The following RHCG variants were observed in gnomAD, a reference collection of about 807,000 sequenced individuals.
RHCG encodes Rh family C glycoprotein, also known as ammonium transporter Rh type C.
RHCG carries 39 observed loss-of-function variants against 55.3 expected under a neutral mutation model. The observed-to-expected ratio is 0.70, with a 90% CI of 0.55 to 0.92. The LOEUF (loss-of-function observed/expected upper bound fraction) is 0.92. Ranked by LOEUF, RHCG falls within the 40% of genes least tolerant of loss-of-function variation. The pLI is 0.00. For synonymous variants in RHCG, 250 were observed against 246.8 expected, an observed-to-expected ratio of 1.01 and a Z score of -0.12; for missense variants, 635 against 627.9, an observed-to-expected ratio of 1.01 and a Z score of -0.12.
At chr15:89,492,328 C>T (rs2141903085) in intron 1 of RHCG, among the ~76,000 whole-genome samples, 1 of 152,328 alleles carries the variant, frequency 6.6e-6, no homozygotes, top group Middle Eastern at 3.4e-3. Flanking sequence ...CAAAGTGTCC[C>T]ACACTAATGG....
At chr15:89,475,516 G>C (rs1047322611) in intron 9 of RHCG, among the ~76,000 whole-genome samples, 7 of 152,236 alleles carry the variant, frequency 4.6e-5, no homozygotes, top group African/African-American at 1.7e-4. Flanking sequence ...AAAGTGCTGG[G>C]ATTATAGGCA....
chr15:89,477,830 C>T lies in RHCG; in HGVS notation c.975+7G>A, dbSNP rs765694134. 6.2e-7 allele frequency: 1 copy of T among 1,614,006 alleles called. No homozygotes were observed. Among genetic ancestry groups the T allele is most frequent in the East Asian group, 2.2e-5 (1 of 44,868 alleles). ...CTAGCCCCCAGCCCCTTGCCTGGGG[C>T]ACTTACGGTCAGGTATACAAAACCC... On this transcript the variant is annotated splice_region_variant and intron_variant, in intron 6 of 10. Transcript: ENST00000268122. The surrounding 1 kb of genome is among the most constrained non-coding windows in gnomAD (Gnocchi z 4.5).
In RHCG at chr15:89,496,439, C is replaced by T; in HGVS notation, c.106G>A (p.Ala36Thr). ...FGVFVRYDFE[A>T]DAHWWSERTH... ...CTCTCTGACCACCAGTGGGCGTCGG[C>T]CTCGAAGTCGTAGCGCACGAACACC... Residue 36 changes from alanine to threonine, a missense_variant, in exon 1 of 11, where the codon GCC (alanine) becomes ACC (threonine). Ala to Thr is a moderately conservative substitution (Grantham distance 58). Transcript: ENST00000268122. 1 of 1,614,064 alleles carries T rather than the reference C, an allele frequency of 6.2e-7. No homozygotes were observed. The highest frequency in any genetic ancestry group is 8.5e-7 in the Non-Finnish European group (1 of 1,179,974).
chr15:89,487,054 A>G (rs1961387831), intron 1 of RHCG, 69 bp from the exon 2 acceptor site: 2 of 1,406,940 alleles, frequency 1.4e-6, no homozygotes, highest in Non-Finnish European at 1.9e-6. Flanking sequence ...GGTCTGGGCC[A>G]GGAAGGCCGG....
Position 89,477,250 on chromosome 15 carries a change from C to G in RHCG, c.1113-44G>C. The G allele has an allele frequency of 6.2e-7, 1 of 1,606,598 alleles. No individual in the cohort carries two copies. The highest frequency in any genetic ancestry group is 8.5e-7 in the Non-Finnish European group (1 of 1,175,066). The stretch of plus-strand genomic sequence containing the variant: ...GCAGGTCAGGGCCCCATGGAGAGGC[C>G]AAGTAACAGCTTGCTGCCACCCCAA... On this transcript the variant is annotated intron_variant, in intron 7 of 10. Coordinates refer to ENST00000268122, the MANE Select transcript of RHCG (RefSeq NM_016321.3). The surrounding 1 kb of genome is among the most constrained non-coding windows in gnomAD (Gnocchi z 4.5).
intron 1 of RHCG, among the ~76,000 whole-genome samples, chr15:89,489,829 C>T (rs1293429753): frequency 2.0e-5 from 3 of 152,156 alleles, no homozygotes; most frequent in Non-Finnish European, 4.4e-5. Context: ...GTTTTCTTTC[C>T]TAGGTTCTCT....
At chr15:89,485,385 C>T (rs1208282984) in intron 2 of RHCG, among the ~76,000 whole-genome samples, 2 of 152,200 alleles carry the variant, frequency 1.3e-5, no homozygotes, top group East Asian at 3.8e-4. Context: ...GGTTCCAACA[C>T]ATATCCAGTC....
chr15:89,489,311 A>G (rs1446937451), intron 1 of RHCG, among the ~76,000 whole-genome samples: 1 of 151,356 alleles, frequency 6.6e-6, no homozygotes, highest in Non-Finnish European at 1.5e-5. Flanking sequence ...TTTAGTAGAG[A>G]CAGGATTTTG....
intron 9 of RHCG, among the ~76,000 whole-genome samples, chr15:89,473,776 G>A (rs181887095): frequency 2.6e-5 from 4 of 152,224 alleles, no homozygotes; most frequent in African/African-American, 7.2e-5. Context: ...GAGCATCCCC[G>A]CAAGAGATCC....
Position 89,477,024 on chromosome 15 carries a change from C to T in RHCG, c.1237+58G>A. ...CCTGTGCCGCATGCCCTTTGCTTCT[C>T]CACCCAGGGAGCCCCACAGCAGCAC... On this transcript the variant is annotated intron_variant, in intron 8 of 10. Coordinates refer to ENST00000268122, the MANE Select transcript of RHCG (RefSeq NM_016321.3). This position sits in a 1 kb window ranked among gnomAD's most constrained non-coding sequence, Gnocchi z 4.5. 1.2e-6 allele frequency: 2 copies of T among 1,610,162 alleles called. No individual in the cohort carries two copies. The highest frequency in any genetic ancestry group is 2.2e-5 in the East Asian group (1 of 44,828).
rs929672581 is a variant in RHCG, at chr15:89,496,575, G to A, written c.-31C>T. On this transcript the variant is annotated 5_prime_UTR_variant, in exon 1 of 11. Coordinates refer to ENST00000268122, the MANE Select transcript of RHCG (RefSeq NM_016321.3). ...AGGGGTGCCTGGCCGGGCTGGCAGC[G>A]GGCGGTTCGGACGCTCGGAGGCCGG... is the stretch of plus-strand genomic sequence containing the variant. The A allele has an allele frequency of 4.4e-6, 7 of 1,595,462 alleles. No individual in the cohort carries two copies. The South Asian group carries it at 5.5e-5, about 13-fold the overall frequency.
Position 89,479,502 on chromosome 15 carries a change from A to T in RHCG, c.671-14T>A. The stretch of plus-strand genomic sequence containing the variant: ...GGAAGAGGGTGCCTGGTCAGACCAG[A>T]CAGGCCCAATGGGCCCGGGAGGAGA... On this transcript the variant is annotated splice_polypyrimidine_tract_variant and intron_variant, in intron 4 of 10. Coordinates refer to ENST00000268122, the MANE Select transcript of RHCG (RefSeq NM_016321.3). 1 of 1,605,428 alleles carries T rather than the reference A, an allele frequency of 6.2e-7. No homozygotes were observed. The highest frequency in any genetic ancestry group is 8.5e-7 in the Non-Finnish European group (1 of 1,175,528).
Position 89,483,133 on chromosome 15 carries a change from G to T in RHCG, c.456C>A (p.Leu152=). The change falls in exon 3 of 11, where the codon CTC becomes CTA. Residue 152 remains leucine, a synonymous_variant. Coordinates refer to ENST00000268122, the MANE Select transcript of RHCG (RefSeq NM_016321.3). ...VLGKVSPIQL[L]IMTFFQVTLF... is the part of the protein sequence containing the mutation. ...GGGTCACTTGGAAGAAAGTCATGAT[G>T]AGCAGCTGAATGGGGCTGACTTTAC... 1 of 1,608,638 alleles carries T rather than the reference G, an allele frequency of 6.2e-7. No homozygotes were observed. The highest frequency in any genetic ancestry group is 1.1e-5 in the South Asian group (1 of 90,808).
intron 1 of RHCG, among the ~76,000 whole-genome samples, chr15:89,493,454 C>T (rs529710857): frequency 5.9e-5 from 9 of 152,358 alleles, no homozygotes; most frequent in Middle Eastern, 3.4e-3. Flanking sequence ...GAGCTACCCT[C>T]GGGCCAAGCC....
At chr15:89,494,171 T>C (rs907298689) in intron 1 of RHCG, among the ~76,000 whole-genome samples, 13 of 151,928 alleles carry the variant, frequency 8.6e-5, no homozygotes, top group Admixed American at 7.2e-4. Context: ...AGTGGCCCCC[T>C]TGGCTGCTCG....
chr15:89,488,112 T>G (rs1238219564), intron 1 of RHCG, among the ~76,000 whole-genome samples: 1 of 152,162 alleles, frequency 6.6e-6, no homozygotes, highest in African/African-American at 2.4e-5. Context: ...AGGGGCCAGA[T>G]GGAAGGGCTC....
At chr15:89,479,629 A>G in intron 4 of RHCG, 141 bp from the exon 5 acceptor site, 1 of 754,764 alleles carries the variant, frequency 1.3e-6, no homozygotes, top group Non-Finnish European at 2.1e-6. Flanking sequence ...TTAGTCATGC[A>G]GGGGCTCTTC....
At chr15:89,474,923 T>C (rs1567224012) in intron 9 of RHCG, among the ~76,000 whole-genome samples, 19 of 139,256 alleles carry the variant, frequency 1.4e-4, no homozygotes, top group African/African-American at 5.1e-4. Flanking sequence ...CCTTCCTGCC[T>C]GCCTGCCTTC....
intron 5 of RHCG, 71 bp from the exon 6 acceptor site, chr15:89,478,045 T>C (rs2141890258): frequency 6.5e-7 from 1 of 1,531,580 alleles, no homozygotes; most frequent in African/African-American, 1.4e-5. Flanking sequence ...AGGAGCTCAC[T>C]TGCTGGCTGT....
Sources: gnomAD v4.1 joint callset for allele counts (sites outside exome capture counted in the v4.1 genomes callset) on GRCh38, gnomAD v4.1.1 for gene constraint, Gnocchi (gnomAD v3.1) non-coding constraint, MANE v1.5 for transcripts, NCBI Gene and HGNC (gene_info 2026-07-23, HGNC 2026-07-21) for gene names.